ZNF385B: variants seen among roughly 807,000 people sequenced by gnomAD.
ZNF385B encodes zinc finger protein 533.
In ZNF385B, 23 loss-of-function variants were observed where a neutral mutation model predicts 39.2. That is an observed-to-expected ratio of 0.59 (90% CI 0.42 to 0.83). The LOEUF (loss-of-function observed/expected upper bound fraction) is 0.83. ZNF385B is among the 40% of genes least tolerant of loss of function. ZNF385B has a pLI of 0.00. For synonymous variants in ZNF385B, 205 were observed against 222.6 expected (o/e 0.92, Z 0.70); for missense variants, 552 against 598.9 (o/e 0.92, Z 0.82).
chr2:179,617,111 G>A (rs1336222280), intron 3 of ZNF385B, among the ~76,000 whole-genome samples: 3 of 152,274 alleles, frequency 2.0e-5, no homozygotes, highest in Admixed American at 6.5e-5. Context: ...ATAAACAGCT[G>A]CTAAATTCTC....
intron 3 of ZNF385B, among the ~76,000 whole-genome samples, chr2:179,742,871 A>C (rs927552248): frequency 6.6e-6 from 1 of 152,062 alleles, no homozygotes; most frequent in Non-Finnish European, 1.5e-5. Context: ...GAATAATTCA[A>C]GATGCTATAC....
chr2:179,524,408 C>T (rs909945723), intron 4 of ZNF385B, among the ~76,000 whole-genome samples: 16 of 151,278 alleles, frequency 1.1e-4, no homozygotes, highest in Admixed American at 4.0e-4. Context: ...AAAAATTAGC[C>T]GGGCGTGGTG....
chr2:179,686,888 T>A (rs1269641641), intron 3 of ZNF385B, among the ~76,000 whole-genome samples: 1 of 151,978 alleles, frequency 6.6e-6, no homozygotes, highest in Admixed American at 6.5e-5. Context: ...TGTGGGCTCC[T>A]GAGATTTATT....
chr2:179,810,358 A>T (rs577393507), intron 1 of ZNF385B, among the ~76,000 whole-genome samples: 1 of 152,050 alleles, frequency 6.6e-6, no homozygotes, highest in Non-Finnish European at 1.5e-5. Context: ...AAATGCATAT[A>T]AAAATAAACA....
At chr2:179,782,765 C>A (rs1342079533) in intron 1 of ZNF385B, among the ~76,000 whole-genome samples, 1 of 152,016 alleles carries the variant, frequency 6.6e-6, no homozygotes, top group East Asian at 1.9e-4. Flanking sequence ...TCTAGGAATA[C>A]CTTTAACCAG....
chr2:179,510,516 A>G (rs1517703), intron 5 of ZNF385B, among the ~76,000 whole-genome samples: 108,564 of 151,948 alleles, frequency 0.71, 39,808 homozygotes, highest in East Asian at 0.91. Context: ...ACTACAGAGT[A>G]TCTGAATATT....
At chr2:179,500,420 T>C (rs62177236) in intron 5 of ZNF385B, among the ~76,000 whole-genome samples, 22,413 of 152,040 alleles carry the variant, frequency 0.15, 1,977 homozygotes, top group South Asian at 0.22. Context: ...TGTGACAGAC[T>C]AGAGAACCCA....
At chr2:179,643,370 A>G (rs1396767345) in intron 3 of ZNF385B, among the ~76,000 whole-genome samples, 1 of 152,172 alleles carries the variant, frequency 6.6e-6, no homozygotes, top group African/African-American at 2.4e-5. Context: ...AACATAGTTA[A>G]AAGATCCATT....
At chr2:179,850,979 T>C (rs13407401) in intron 1 of ZNF385B, among the ~76,000 whole-genome samples, 2 of 152,130 alleles carry the variant, frequency 1.3e-5, no homozygotes, top group African/African-American at 4.8e-5. Context: ...AAACTTGCCA[T>C]GTGACCAGTA....
At chr2:179,785,331 A>G (rs2106529986) in intron 1 of ZNF385B, among the ~76,000 whole-genome samples, 1 of 152,272 alleles carries the variant, frequency 6.6e-6, no homozygotes, top group South Asian at 2.1e-4. Context: ...CAACAGGCAT[A>G]CATTTCTGGA....
In ZNF385B at chr2:179,446,615, A is replaced by C; in HGVS notation, c.871T>G (p.Ser291Ala). The C allele has an allele frequency of 6.2e-7, 1 of 1,614,032 alleles. No homozygotes were observed. Among genetic ancestry groups the C allele is most frequent in the Non-Finnish European group, 8.5e-7 (1 of 1,179,972 alleles). Residue 291 changes from serine to alanine, a missense_variant, in exon 7 of 10, where the codon TCA (serine) becomes GCA (alanine). Coordinates refer to ENST00000410066, the MANE Select transcript of ZNF385B (RefSeq NM_152520.6). ...TNGAPGTVVESEEEKAKKLLY... is the reference protein window; with the variant it reads ...TNGAPGTVVEAEEEKAKKLLY... Reference sequence around the variant, plus strand: ...AATTTTTTGGCTTTTTCTTCTTCTGATTCAACAACAGTACCGGGAGCTCCA... The same window carrying C: ...AATTTTTTGGCTTTTTCTTCTTCTGCTTCAACAACAGTACCGGGAGCTCCA...
At chr2:179,615,143 C>T (rs1689627723) in intron 3 of ZNF385B, among the ~76,000 whole-genome samples, 1 of 152,190 alleles carries the variant, frequency 6.6e-6, no homozygotes, top group South Asian at 2.1e-4. Context: ...ATGGAAGCAG[C>T]TGAATAGTTT....
intron 3 of ZNF385B, among the ~76,000 whole-genome samples, chr2:179,659,511 A>G (rs1183361760): frequency 6.6e-6 from 1 of 151,960 alleles, no homozygotes; most frequent in Admixed American, 6.5e-5. Context: ...TGCAAATGTT[A>G]TATTTAAAAA....
intron 3 of ZNF385B, among the ~76,000 whole-genome samples, chr2:179,679,142 T>C (rs1697264782): frequency 6.6e-6 from 1 of 152,198 alleles, no homozygotes; most frequent in South Asian, 2.1e-4. Flanking sequence ...TGAACTGCAG[T>C]TCAAAGACAC....
chr2:179,694,852 C>A (rs1255149138), intron 3 of ZNF385B, among the ~76,000 whole-genome samples: 2 of 151,978 alleles, frequency 1.3e-5, no homozygotes, highest in African/African-American at 4.8e-5. Flanking sequence ...ATCTCTTGAA[C>A]CTGGGAGGTG....
intron 5 of ZNF385B, among the ~76,000 whole-genome samples, chr2:179,506,182 G>C (rs1388450553): frequency 6.6e-6 from 1 of 152,044 alleles, no homozygotes; most frequent in Admixed American, 6.6e-5. Context: ...GTGCCACTCA[G>C]ATTCTTGCAT....
At chr2:179,738,833 T>C (rs1371459404) in intron 3 of ZNF385B, among the ~76,000 whole-genome samples, 5 of 152,314 alleles carry the variant, frequency 3.3e-5, no homozygotes, top group East Asian at 1.9e-4. Flanking sequence ...CACCAAGTCA[T>C]TGCAGAGTCC....
intron 3 of ZNF385B, among the ~76,000 whole-genome samples, chr2:179,596,374 T>G (rs913479262): frequency 6.6e-6 from 1 of 152,208 alleles, no homozygotes; most frequent in South Asian, 2.1e-4. Context: ...AACAGCCTTT[T>G]TTTCACTTTG....
At chr2:179,585,187 G>A (rs1457647915) in intron 3 of ZNF385B, among the ~76,000 whole-genome samples, 1 of 152,202 alleles carries the variant, frequency 6.6e-6, no homozygotes. Context: ...TGTAAAGACA[G>A]TGCTTATGGT....
Sources: allele counts gnomAD v4.1 joint callset (sites outside exome capture counted in the v4.1 genomes callset), GRCh38; gene constraint gnomAD v4.1.1; transcripts MANE v1.5; gene names NCBI Gene and HGNC (gene_info 2026-07-23, HGNC 2026-07-21).